Variants in ZDHHC7 observed in about 807,000 individuals in gnomAD.
ZDHHC7 encodes the protein zDHHC palmitoyltransferase 7, also known as palmitoyltransferase ZDHHC7.
ZDHHC7 carries 12 observed loss-of-function variants against 34.1 expected under a neutral mutation model. The ratio of observed to expected loss-of-function variants is 0.35; its 90% CI spans 0.23 to 0.57. The LOEUF (loss-of-function observed/expected upper bound fraction) is 0.57, where lower values mean the gene tolerates loss of function less well. Ranked by LOEUF, ZDHHC7 falls within the 20% of genes least tolerant of loss-of-function variation. The probability of loss-of-function intolerance (pLI) is 0.84; values close to 1 mark genes in which losing one functional copy is unlikely to be tolerated. For synonymous variants in ZDHHC7, 185 were observed against 155.4 expected (o/e 1.19, Z -1.42); for missense variants, 388 against 402.7 (o/e 0.96, Z 0.31).
At chr16:85,022,145 G>A in the ZDHHC7 span, among the ~76,000 whole-genome samples, 1 of 151,048 alleles carries the variant, frequency 6.6e-6, no homozygotes, top group African/African-American at 2.4e-5. Context: ...GGGCGACAGA[G>A]CGAAACTCTG....
intron 3 of ZDHHC7, 181 bp from the exon 4 acceptor site, chr16:84,982,175 C>A (rs2072379243): frequency 1.6e-6 from 1 of 623,710 alleles, no homozygotes; most frequent in East Asian, 3.9e-5. Flanking sequence ...GAAACCCCGT[C>A]TCTACTAAAG....
upstream of ZDHHC7, chr16:85,011,578 C>A (rs1274925353): frequency 3.3e-5 from 5 of 152,384 alleles, no homozygotes; most frequent in East Asian, 1.9e-4. Flanking sequence ...GCAGTTCCGG[C>A]CGCGCAGCTC....
intron 1 of ZDHHC7, among the ~76,000 whole-genome samples, chr16:85,003,238 A>C (rs554903147): frequency 6.6e-6 from 1 of 152,284 alleles, no homozygotes; most frequent in South Asian, 2.1e-4. Flanking sequence ...AGTGAGGGGC[A>C]GGACTGAGGC....
chr16:85,010,304 G>A (rs1463644191), intron 1 of ZDHHC7, among the ~76,000 whole-genome samples: 1 of 152,284 alleles, frequency 6.6e-6, no homozygotes, highest in East Asian at 1.9e-4. Context: ...TTACAGGCAT[G>A]AGCCACGAGC....
rs928365592 is a variant in ZDHHC7 at position 85,001,966 on chromosome 16, G to A, written c.-103-5959C>T. ...AGATGAGCTTGGAGCATCTTGTATT[G>A]CCAGAGAATAATGAAGTGTTCACAA... On this transcript the variant is annotated intron_variant, in intron 1 of 7. Coordinates refer to ENST00000313732, the MANE Select transcript of ZDHHC7 (RefSeq NM_017740.3). Among the ~76,000 whole-genome samples the A allele has an allele frequency of 2.6e-5, 4 of 152,062 alleles. No individual in the cohort carries two copies. The East Asian group carries it at 7.7e-4, about 29-fold the overall frequency.
At chr16:84,981,106 G>A (rs1015315015) in intron 4 of ZDHHC7, among the ~76,000 whole-genome samples, 1 of 152,196 alleles carries the variant, frequency 6.6e-6, no homozygotes, top group Non-Finnish European at 1.5e-5. Flanking sequence ...TCAAGGAATG[G>A]AGAAATACAC....
chr16:84,994,854 A>G (rs2072555716), intron 2 of ZDHHC7, among the ~76,000 whole-genome samples: 1 of 152,228 alleles, frequency 6.6e-6, no homozygotes, highest in African/African-American at 2.4e-5. Context: ...CAACAAACGA[A>G]TATAGCAAAG....
intron 1 of ZDHHC7, among the ~76,000 whole-genome samples, chr16:84,997,155 T>C (rs1186312671): frequency 2.6e-5 from 4 of 152,148 alleles, no homozygotes; most frequent in Non-Finnish European, 5.9e-5. Context: ...AAAATTCATA[T>C]TCTTCAAAAT....
chr16:84,987,776 TG>T (rs2072455849), intron 3 of ZDHHC7, among the ~76,000 whole-genome samples: 1 of 152,048 alleles, frequency 6.6e-6, no homozygotes, highest in South Asian at 2.1e-4. Flanking sequence ...TTAAACCAAA[TG>T]AAGCACTGAT....
the ZDHHC7 span, among the ~76,000 whole-genome samples, chr16:85,021,042 C>G: frequency 6.6e-6 from 1 of 151,632 alleles, no homozygotes; most frequent in African/African-American, 2.4e-5. Flanking sequence ...GAGGTCAAGG[C>G]TGCAGTAAGC....
In ZDHHC7 at chr16:84,976,145, T is replaced by C. The variant is rs1597526380; in HGVS notation, c.*198A>G. 3.0e-6 allele frequency: 2 copies of C among 670,696 alleles called. No homozygotes were observed. The highest frequency in any genetic ancestry group is 5.9e-5 in the East Asian group (2 of 33,660). The allele number at this position is 670,696 out of a possible 1,614,324, so 41.5% of individuals were successfully genotyped here. A position where few individuals can be genotyped will look rare whatever the true frequency, so the allele number is the denominator to read the frequency against. On this transcript the variant is annotated 3_prime_UTR_variant, in exon 8 of 8. Transcript: ENST00000313732. ...CTTCGTGTGGCCACACACCTTTCCG[T>C]TGTTGTACAGGTGGGGACTGAGAGC...
chr16:85,001,688 T>C (rs2072655184), intron 1 of ZDHHC7, among the ~76,000 whole-genome samples: 1 of 152,160 alleles, frequency 6.6e-6, no homozygotes, highest in South Asian at 2.1e-4. Context: ...TGAGACGGCC[T>C]AGAAGCAACA....
the ZDHHC7 span, among the ~76,000 whole-genome samples, chr16:85,022,637 G>A: frequency 1.6e-4 from 25 of 152,144 alleles, no homozygotes; most frequent in Admixed American, 3.3e-4. Context: ...GAAAGATAGG[G>A]TATCTAAATA....
In ZDHHC7 at chr16:84,976,197, A is replaced by C. The variant is rs747719475; in HGVS notation, c.*146T>G. 7.6e-5 allele frequency: 77 copies of C among 1,014,280 alleles called. No homozygotes were observed. The highest frequency in any genetic ancestry group is 1.1e-4 in the Non-Finnish European group (74 of 690,764). The allele number at this position is 1,014,280 out of a possible 1,614,324, so 62.8% of individuals were successfully genotyped here. ...TCTTCCTCTGCCATCTGTGACTATA[A>C]ATATATAAAACTCTGCTTGCTGCAA... On this transcript the variant is annotated 3_prime_UTR_variant, in exon 8 of 8. Transcript: ENST00000313732.
the ZDHHC7 span, among the ~76,000 whole-genome samples, chr16:85,021,359 C>A: frequency 6.8e-6 from 1 of 146,998 alleles, no homozygotes; most frequent in East Asian, 2.0e-4. Flanking sequence ...TTGCAGTGAG[C>A]CAAGATTATG....
chr16:85,002,742 C>T (rs1477080928), intron 1 of ZDHHC7, among the ~76,000 whole-genome samples: 1 of 152,020 alleles, frequency 6.6e-6, no homozygotes, highest in African/African-American at 2.4e-5. Context: ...GGATGGTCGA[C>T]AAAGCGGAAT....
intron 2 of ZDHHC7, among the ~76,000 whole-genome samples, chr16:84,993,248 G>A (rs2072533463): frequency 6.6e-6 from 1 of 152,088 alleles, no homozygotes; most frequent in Admixed American, 6.6e-5. Context: ...TTGAGCCTGG[G>A]AGGTGGAGGC....
intron 2 of ZDHHC7, among the ~76,000 whole-genome samples, chr16:84,992,862 G>T (rs1422400925): frequency 6.6e-6 from 1 of 152,138 alleles, no homozygotes; most frequent in African/African-American, 2.4e-5. Flanking sequence ...AATGCAACTG[G>T]AACATAGCAA....
chr16:84,981,032 C>T (rs185022433), intron 4 of ZDHHC7, among the ~76,000 whole-genome samples: 25 of 152,344 alleles, frequency 1.6e-4, no homozygotes, highest in African/African-American at 5.8e-4. Context: ...GCCACGACCC[C>T]CCAGGAGAAG....
Sources: allele counts gnomAD v4.1 joint callset (sites outside exome capture counted in the v4.1 genomes callset), GRCh38; gene constraint gnomAD v4.1.1; transcripts MANE v1.5; gene names NCBI Gene and HGNC (gene_info 2026-07-23, HGNC 2026-07-21).